TECPR1: variants seen among roughly 807,000 people sequenced by gnomAD.
TECPR1 encodes the protein tectonin beta-propeller repeat containing 1.
In TECPR1, 122 loss-of-function variants were observed where a neutral mutation model predicts 162.4. That is an observed-to-expected ratio of 0.75 (90% confidence interval 0.65 to 0.87). The LOEUF is 0.87. Ranked by LOEUF, TECPR1 falls within the 40% of genes least tolerant of loss-of-function variation. The pLI is 0.00. For missense variants in TECPR1, 1,432 were observed against 1,618.2 expected, an observed-to-expected ratio of 0.88 and a Z score of 1.97; for synonymous variants, 642 against 670.6, an observed-to-expected ratio of 0.96 and a Z score of 0.66.
chr7:98,244,623 C>A lies in TECPR1; in HGVS notation c.479G>T (p.Arg160Leu), dbSNP rs1167106339. 1.9e-6 allele frequency: 3 copies of A among 1,612,976 alleles called. No individual in the cohort carries two copies. Among genetic ancestry groups the A allele is most frequent in the Non-Finnish European group, 8.5e-7 (1 of 1,179,656 alleles). ...TCTCCTGTACCGGATCCACTTCCGGCGCCGCACACAAGAATTCCACTTCTT... is the reference window on the plus strand; with the variant it reads ...TCTCCTGTACCGGATCCACTTCCGGAGCCGCACACAAGAATTCCACTTCTT... ...KDKKWNSCVR[R>L]RKWIRYRRYK... is the part of the protein sequence containing the mutation. Residue 160 changes from arginine to leucine, a missense_variant, in exon 5 of 26, where the codon CGC (arginine) becomes CTC (leucine). Transcript: ENST00000447648.
intron 22 of TECPR1, 36 bp downstream of exon 22, chr7:98,222,350 T>G: frequency 6.3e-7 from 1 of 1,594,516 alleles, no homozygotes; most frequent in Non-Finnish European, 8.5e-7. Context: ...GGACGGAAGG[T>G]GAACACTGCA....
intron 8 of TECPR1, among the ~76,000 whole-genome samples, chr7:98,239,004 A>T (rs1316361567): frequency 1.3e-5 from 2 of 152,242 alleles, no homozygotes; most frequent in Non-Finnish European, 2.9e-5. Flanking sequence ...ATTAGAAAAA[A>T]CAAGACCCCT....
rs1798033588 is a variant in TECPR1 at position 98,217,237 on chromosome 7, T to C, written c.*153A>G. ...CACATTTCAGGGCCGTCTCAGCCAG[T>C]GCCTCTGAAGTGGCCGCAGCCTTGG... On this transcript the variant is annotated 3_prime_UTR_variant, in exon 26 of 26. Coordinates refer to ENST00000447648, the MANE Select transcript of TECPR1 (RefSeq NM_015395.3). 6 of 602,360 alleles carry C rather than the reference T, an allele frequency of 1.0e-5. No individual in the cohort carries two copies. Among genetic ancestry groups the C allele is most frequent in the Non-Finnish European group, 1.8e-5 (6 of 340,994 alleles). 37.3% of individuals were successfully genotyped at this position (602,360 alleles called of 1,614,324 possible).
At chr7:98,239,981 G>A (rs901497236) in intron 8 of TECPR1, among the ~76,000 whole-genome samples, 8 of 151,992 alleles carry the variant, frequency 5.3e-5, no homozygotes, top group African/African-American at 1.9e-4. Context: ...GTGGTGGCGG[G>A]CGCCTGTAGC....
intron 9 of TECPR1, among the ~76,000 whole-genome samples, chr7:98,237,124 C>G (rs1376376682): frequency 6.6e-6 from 1 of 151,930 alleles, no homozygotes; most frequent in African/African-American, 2.4e-5. Flanking sequence ...GTCCCGTCTC[C>G]CTGACCTCAG....
chr7:98,231,458 G>A (rs1321480877), intron 13 of TECPR1, 85 bp from the exon 14 acceptor site: 32 of 1,435,272 alleles, frequency 2.2e-5, no homozygotes, highest in Non-Finnish European at 2.8e-5. Context: ...TTCACCCTGG[G>A]ACCCTGGCCC....
intron 1 of TECPR1, 40 bp from the exon 2 acceptor site, chr7:98,251,588 T>C (rs1799064468): frequency 6.6e-6 from 1 of 152,358 alleles, no homozygotes; most frequent in Non-Finnish European, 1.5e-5. Flanking sequence ...GCATGGTAGT[T>C]GATTCTTTCC....
Position 98,231,948 on chromosome 7 carries a change from C to A in TECPR1, c.1830G>T (p.Val610=). 3.1e-6 allele frequency: 5 copies of A among 1,604,784 alleles called. No individual in the cohort carries two copies. Among genetic ancestry groups the A allele is most frequent in the Non-Finnish European group, 3.4e-6 (4 of 1,179,434 alleles). ...YEQAVEQSVW[V]KTGALQWWCD... ...ACCACCACTGCAGCGCCCCGGTCTT[C>A]ACCCACACCGACTGCGCAGGCCGGG... The change falls in exon 13 of 26, where the codon GTG becomes GTT. Residue 610 remains valine (V), a synonymous_variant. Coordinates refer to ENST00000447648, the MANE Select transcript of TECPR1 (RefSeq NM_015395.3).
intron 2 of TECPR1, among the ~76,000 whole-genome samples, chr7:98,248,533 CAAAAAAAAAAAAAAA>C (rs60387349): frequency 1.0e-4 from 1 of 9,608 alleles, no homozygotes; most frequent in Non-Finnish European, 1.9e-4. Flanking sequence ...CTGCCACCGG[CAAAAAAAAAAAAAAA>C]AAAAAAAAAA....
Position 98,236,795 on chromosome 7 carries a change from T to A in TECPR1, c.1162A>T (p.Ser388Cys), listed in dbSNP as rs753586075. Residue 388 changes from serine (S) to cysteine (C), a missense_variant, in exon 10 of 26, where the codon AGC (serine) becomes TGC (cysteine). Transcript: ENST00000447648. ...ARECDRSHSG[S>C]SSSLLSAGCF... ...AGTCACCTGAGGAGACTAGACGAGC[T>A]GCCAGAGTGTGACCGGTCACACTCT... 5 of 1,592,430 alleles carry A rather than the reference T, an allele frequency of 3.1e-6. No homozygotes were observed. In the South Asian group the frequency reaches 5.7e-5, roughly 18 times the overall value.
At chr7:98,237,025 G>T in intron 9 of TECPR1, 104 bp from the exon 10 acceptor site, 1 of 1,298,920 alleles carries the variant, frequency 7.7e-7, no homozygotes, top group South Asian at 1.6e-5. Flanking sequence ...ATGTGCAGGT[G>T]TGTGTGGGCT....
At chr7:98,242,075 C>T (rs1034690708) in intron 6 of TECPR1, among the ~76,000 whole-genome samples, 3 of 152,244 alleles carry the variant, frequency 2.0e-5, no homozygotes, top group African/African-American at 7.2e-5. Flanking sequence ...AGCTCCCTCA[C>T]TCTGCCCGGC....
At chr7:98,245,331 G>A (rs563472040) in intron 3 of TECPR1, among the ~76,000 whole-genome samples, 1 of 152,346 alleles carries the variant, frequency 6.6e-6, no homozygotes, top group East Asian at 1.9e-4. Flanking sequence ...CAGGGCAGGC[G>A]GTGGAGGGCA....
Position 98,223,803 on chromosome 7 carries a change from C to T in TECPR1, c.2691-85G>A, listed in dbSNP as rs554030754. The T allele has an allele frequency of 6.2e-6, 9 of 1,454,162 alleles. No homozygotes were observed. The African/African-American group carries it at 8.4e-5, about 14-fold the overall frequency. The allele number at this position is 1,454,162 out of a possible 1,614,324, so 90.1% of individuals were successfully genotyped here. ...GTGCATGTAAACATTCTTGTTCTAC[C>T]CGTTACAGGGCATGGGGACTGGGTG... On this transcript the variant is annotated intron_variant, in intron 19 of 25. Coordinates refer to ENST00000447648, the MANE Select transcript of TECPR1 (RefSeq NM_015395.3).
Position 98,217,509 on chromosome 7 carries a change from A to T in TECPR1, c.3385-6T>A. 6.3e-7 allele frequency: 1 copy of T among 1,594,658 alleles called. No homozygotes were observed. The highest frequency in any genetic ancestry group is 1.7e-5 in the Admixed American group (1 of 57,464). The stretch of plus-strand genomic sequence containing the variant: ...GAGATATGGTCCCAGCCTCCCTGGA[A>T]GGAGAGAGCTGTGTCACCAGGGGAC... On this transcript the variant is annotated splice_polypyrimidine_tract_variant and splice_region_variant and intron_variant, in intron 25 of 25. Transcript: ENST00000447648.
rs181537513 is a variant in TECPR1, at chr7:98,234,281, T to G, written c.1182-370A>C. Among the ~76,000 whole-genome samples, 489 of 152,180 alleles carry G rather than the reference T, an allele frequency of 3.2e-3. 2 individuals carry two copies. Among genetic ancestry groups the G allele is most frequent in the African/African-American group, 0.011 (464 of 41,522 alleles). On this transcript the variant is annotated intron_variant, in intron 10 of 25. Coordinates refer to ENST00000447648, the MANE Select transcript of TECPR1 (RefSeq NM_015395.3). ...GATTCTCCTGCCTCAGCCTCCCGAGTAGCTGAGAGATTACAGGCATGCACC... is the reference window on the plus strand; with the variant it reads ...GATTCTCCTGCCTCAGCCTCCCGAGGAGCTGAGAGATTACAGGCATGCACC...
At chr7:98,217,866 C>T in intron 24 of TECPR1, 55 bp from the exon 25 acceptor site, 1 of 1,541,550 alleles carries the variant, frequency 6.5e-7, no homozygotes, top group Admixed American at 2.0e-5. Flanking sequence ...GACGGCTGGG[C>T]ATGGGATGGG....
intron 23 of TECPR1, among the ~76,000 whole-genome samples, chr7:98,219,577 T>C (rs1392386876): frequency 6.6e-6 from 1 of 152,146 alleles, no homozygotes; most frequent in Non-Finnish European, 1.5e-5. Context: ...CATCCAAAAG[T>C]GGCCAAATGA....
chr7:98,237,048 G>A, intron 9 of TECPR1, 127 bp from the exon 10 acceptor site: 1 of 1,083,820 alleles, frequency 9.2e-7, no homozygotes, highest in Non-Finnish European at 1.3e-6. Flanking sequence ...GAAGGTCCAT[G>A]CTGGGGCTGT....
Sources: gnomAD v4.1 joint callset for allele counts (sites outside exome capture counted in the v4.1 genomes callset) on GRCh38, gnomAD v4.1.1 for gene constraint, MANE v1.5 for transcripts, NCBI Gene and HGNC (gene_info 2026-07-23, HGNC 2026-07-21) for gene names.